Variants in DGKB observed in about 807,000 individuals in gnomAD.
DGKB encodes 90 kDa diacylglycerol kinase.
In DGKB, 67 loss-of-function variants were observed where a neutral mutation model predicts 114.3. The ratio of observed to expected loss-of-function variants is 0.59; its 90% confidence interval spans 0.48 to 0.72. The LOEUF is 0.72. DGKB is among the 30% of genes least tolerant of loss of function. The probability of loss-of-function intolerance (pLI) is 0.00; values close to 1 mark genes in which losing one functional copy is unlikely to be tolerated. For missense variants in DGKB, 907 were observed against 975.2 expected (o/e 0.93, Z 0.93); for synonymous variants, 398 against 323.1 (o/e 1.23, Z -2.49).
intron 5 of DGKB, among the ~76,000 whole-genome samples, chr7:14,731,278 C>T (rs980220444): frequency 9.9e-5 from 15 of 152,106 alleles, no homozygotes; most frequent in African/African-American, 3.6e-4. Flanking sequence ...ATTTGGACAT[C>T]CAGACAAAGT....
intron 1 of DGKB, among the ~76,000 whole-genome samples, chr7:14,969,799 C>A (rs1787356419): frequency 6.6e-6 from 1 of 152,150 alleles, no homozygotes; most frequent in Non-Finnish European, 1.5e-5. Context: ...TGCTCCTAGG[C>A]TGCAAAACTG....
chr7:14,212,918 A>T (rs146821876), intron 23 of DGKB, among the ~76,000 whole-genome samples: 1 of 152,070 alleles, frequency 6.6e-6, no homozygotes, highest in Non-Finnish European at 1.5e-5. Flanking sequence ...CGTAAACATT[A>T]TACATGACTA....
chr7:14,573,015 A>T (rs1183753176), intron 20 of DGKB, among the ~76,000 whole-genome samples: 1 of 152,116 alleles, frequency 6.6e-6, no homozygotes, highest in Non-Finnish European at 1.5e-5. Flanking sequence ...AATGGGCATG[A>T]GGGTTCTGAT....
intron 2 of DGKB, among the ~76,000 whole-genome samples, chr7:14,783,432 T>C (rs1839413755): frequency 6.6e-6 from 1 of 152,212 alleles, no homozygotes. Context: ...CTTGCAAGTA[T>C]GAATGTGGAA....
chr7:14,431,954 T>A (rs990252326), intron 21 of DGKB, among the ~76,000 whole-genome samples: 2 of 150,740 alleles, frequency 1.3e-5, no homozygotes, highest in Non-Finnish European at 3.0e-5. Context: ...AAATGTACAT[T>A]TTGCAATGTC....
chr7:14,525,366 A>C (rs1192655939), intron 20 of DGKB, among the ~76,000 whole-genome samples: 2 of 152,218 alleles, frequency 1.3e-5, no homozygotes, highest in Non-Finnish European at 2.9e-5. Flanking sequence ...TTAGTTGCAG[A>C]TTAAAAATGA....
chr7:14,318,277 T>G (rs1225515733), intron 23 of DGKB, among the ~76,000 whole-genome samples: 2 of 144,254 alleles, frequency 1.4e-5, no homozygotes, highest in Admixed American at 1.4e-4. Context: ...AAAGCCAAAA[T>G]TGACAAATGG....
At chr7:14,426,414 G>GA (rs1421419442) in intron 21 of DGKB, among the ~76,000 whole-genome samples, 2 of 152,144 alleles carry the variant, frequency 1.3e-5, no homozygotes, top group Non-Finnish European at 2.9e-5. Context: ...TACCAAGGGG[G>GA]ATCAGCAAAT....
intron 6 of DGKB, among the ~76,000 whole-genome samples, chr7:14,716,626 CAT>C (rs1376482712): frequency 1.3e-5 from 2 of 151,952 alleles, no homozygotes; most frequent in African/African-American, 2.4e-5. Context: ...TAAAATAATA[CAT>C]GTTAGTAACT....
intron 23 of DGKB, among the ~76,000 whole-genome samples, chr7:14,307,657 A>C (rs1804706995): frequency 6.6e-6 from 1 of 152,220 alleles, no homozygotes; most frequent in Non-Finnish European, 1.5e-5. Flanking sequence ...TAACATTTGT[A>C]GTTAATATGA....
intron 2 of DGKB, among the ~76,000 whole-genome samples, chr7:14,762,032 A>G (rs906589946): frequency 1.3e-5 from 2 of 152,144 alleles, no homozygotes; most frequent in African/African-American, 4.8e-5. Context: ...TTGGAAAACA[A>G]CAGTGAATAC....
chr7:14,711,500 G>C (rs1013609929), intron 6 of DGKB, among the ~76,000 whole-genome samples: 2 of 152,020 alleles, frequency 1.3e-5, no homozygotes, highest in African/African-American at 4.8e-5. Context: ...TTCTATTGAA[G>C]TACCACTATA....
chr7:14,382,779 G>A (rs1819692420), intron 21 of DGKB, among the ~76,000 whole-genome samples: 1 of 152,184 alleles, frequency 6.6e-6, no homozygotes, highest in Admixed American at 6.5e-5. Flanking sequence ...AGTGCTTGAA[G>A]AATAGATGTG....
chr7:14,844,112 A>G (rs7781882), intron 1 of DGKB, among the ~76,000 whole-genome samples: 137,342 of 152,276 alleles, frequency 0.9, 62,248 homozygotes, highest in East Asian at 1. Context: ...CATTCCCTAG[A>G]TTTCTTACAT....
At chr7:14,920,969 G>A (rs1784486508) in intron 1 of DGKB, among the ~76,000 whole-genome samples, 1 of 151,756 alleles carries the variant, frequency 6.6e-6, no homozygotes, top group Non-Finnish European at 1.5e-5. Flanking sequence ...TCCCACTCTA[G>A]GTTCAGGGAC....
chr7:14,960,112 G>A (rs546154017), intron 1 of DGKB, among the ~76,000 whole-genome samples: 8 of 148,594 alleles, frequency 5.4e-5, no homozygotes, highest in East Asian at 1.9e-4. Flanking sequence ...AGACAACTGC[G>A]AAGTTACAGA....
chr7:14,775,321 T>A (rs767112068), intron 2 of DGKB, among the ~76,000 whole-genome samples: 10 of 152,068 alleles, frequency 6.6e-5, no homozygotes, highest in Non-Finnish European at 1.2e-4. Context: ...AGCATTTAAA[T>A]AACTGTTAAA....
chr7:14,520,342 C>T (rs1789559604), intron 20 of DGKB, among the ~76,000 whole-genome samples: 1 of 146,424 alleles, frequency 6.8e-6, no homozygotes, highest in Non-Finnish European at 1.5e-5. Context: ...GATTTGTGTT[C>T]TAATGTTTAT....
intron 21 of DGKB, among the ~76,000 whole-genome samples, chr7:14,418,317 A>G (rs1291697311): frequency 2.2e-5 from 2 of 90,554 alleles, no homozygotes; most frequent in African/African-American, 6.9e-5. Context: ...GTATATATGT[A>G]TGTATATATG....
Sources: allele counts gnomAD v4.1 joint callset (sites outside exome capture counted in the v4.1 genomes callset), GRCh38; gene constraint gnomAD v4.1.1; transcripts MANE v1.5; gene names NCBI Gene and HGNC (gene_info 2026-07-23, HGNC 2026-07-21).